CDH23: variants seen among roughly 807,000 people sequenced by gnomAD.
The protein encoded by CDH23 is cadherin related 23.
A neutral mutation model predicts 317.1 loss-of-function variants in CDH23; 189 were observed. The ratio of observed to expected loss-of-function variants is 0.60; its 90% CI spans 0.53 to 0.67. The LOEUF is 0.67. CDH23 is among the 30% of genes least tolerant of loss of function. CDH23 has a pLI of 0.00. For synonymous variants in CDH23, 1,839 were observed against 1,876.8 expected (o/e 0.98, Z 0.52); for missense variants, 4,401 against 4,592.4 (o/e 0.96, Z 1.20).
At position 71,738,606 on chromosome 10, in the gene CDH23, A is replaced by G. The variant is rs1839636678; in HGVS notation, c.4318A>G (p.Thr1440Ala). The G allele has an allele frequency of 5.0e-6, 8 of 1,613,662 alleles. No homozygotes were observed. The highest frequency in any genetic ancestry group is 6.8e-6 in the Non-Finnish European group (8 of 1,179,852). ...CTGCCCTGTGGGCCAGCGAGTGGCT[A>G]CTGTCAAGGCCTGGGACCCTGATGC... Reference protein sequence around the residue: ...EDCPVGQRVATVKAWDPDAGS... With the variant: ...EDCPVGQRVAAVKAWDPDAGS... The change falls in exon 35 of 70, where the codon ACT becomes GCT. Residue 1440 changes from threonine (T) to alanine (A), a missense_variant. By Grantham distance (58) the Thr-to-Ala change is moderately conservative. This residue lies in a region of CDH23 where 3,068 missense variants were observed against 3,203.3 expected (regional missense o/e 0.96). Coordinates refer to ENST00000224721, the MANE Select transcript of CDH23 (RefSeq NM_022124.6).
chr10:71,810,331 G>A, intron 61 of CDH23, 141 bp from the exon 62 acceptor site: 1 of 864,136 alleles, frequency 1.2e-6, no homozygotes, highest in Non-Finnish European at 1.9e-6. Flanking sequence ...CACCGTGCCT[G>A]GTCCTCAGCA....
At chr10:71,512,155 T>A (rs1422967575) in intron 6 of CDH23, 1 of 151,956 alleles carries the variant, frequency 6.6e-6, no homozygotes, top group Non-Finnish European at 1.5e-5. Flanking sequence ...TTGCCCGAGG[T>A]CGCACAGCTT....
chr10:71,664,493 C>T (rs373432427), intron 14 of CDH23, among the ~76,000 whole-genome samples: 1 of 152,302 alleles, frequency 6.6e-6, no homozygotes, highest in East Asian at 1.9e-4. Flanking sequence ...TCCACCTCCA[C>T]GGACCCGCTG....
intron 1 of CDH23, among the ~76,000 whole-genome samples, chr10:71,399,928 A>T (rs536179219): frequency 6.6e-6 from 1 of 151,478 alleles, no homozygotes; most frequent in Non-Finnish European, 1.5e-5. Context: ...TTGAGCAACT[A>T]CTCTCCACCT....
At chr10:71,737,155 G>A (rs1320914627) in intron 34 of CDH23, among the ~76,000 whole-genome samples, 1 of 152,164 alleles carries the variant, frequency 6.6e-6, no homozygotes, top group East Asian at 1.9e-4. Flanking sequence ...GCGGACTGGG[G>A]CTCAGGGACC....
chr10:71,452,666 T>C (rs946876), intron 3 of CDH23, among the ~76,000 whole-genome samples: 57,865 of 152,132 alleles, frequency 0.38, 12,050 homozygotes, highest in East Asian at 0.48. Flanking sequence ...GCTATTTGTG[T>C]GGAACTCCCC....
intron 68 of CDH23, 115 bp from the exon 69 acceptor site, chr10:71,813,129 C>A: frequency 8.7e-7 from 1 of 1,155,418 alleles, no homozygotes; most frequent in Non-Finnish European, 1.2e-6. Flanking sequence ...TGATCCTCTG[C>A]CCTAGGATCA....
At chr10:71,760,052 C>T (rs1840296154) in intron 38 of CDH23, among the ~76,000 whole-genome samples, 2 of 102,106 alleles carry the variant, frequency 2.0e-5, no homozygotes, top group South Asian at 3.5e-4. Context: ...TATACACACA[C>T]ACATATATAT....
chr10:71,659,980 T>A (rs1214200180), intron 14 of CDH23, among the ~76,000 whole-genome samples: 1 of 145,186 alleles, frequency 6.9e-6, no homozygotes, highest in East Asian at 2.1e-4. Context: ...TTTTTTTTTT[T>A]AGACGGAGCC....
rs186975210 is a variant in CDH23, at chr10:71,796,543, C to G, written c.6713-561C>G. ...GAACCCCTCAGGGCTTTTCAGCTAC[C>G]ATGACTTTCCTTTAAACTTGATCTC... On this transcript the variant is annotated intron_variant, in intron 48 of 69. Transcript: ENST00000224721. Among the ~76,000 whole-genome samples, 90 of 152,332 alleles carry G rather than the reference C, an allele frequency of 5.9e-4. No homozygotes were observed. The Middle Eastern group carries it at 0.031, about 52-fold the overall frequency.
intron 3 of CDH23, among the ~76,000 whole-genome samples, chr10:71,489,532 T>C (rs1852530156): frequency 1.3e-5 from 2 of 152,106 alleles, no homozygotes; most frequent in Admixed American, 1.3e-4. Flanking sequence ...ATATCTGAAC[T>C]ATTTGAGGGC....
Position 71,811,563 on chromosome 10 carries a change from T to C in CDH23, c.9251T>C (p.Val3084Ala). 1 of 1,613,930 alleles carries C rather than the reference T, an allele frequency of 6.2e-7. No homozygotes were observed. Among genetic ancestry groups the C allele is most frequent in the Non-Finnish European group, 8.5e-7 (1 of 1,179,882 alleles). The change falls in exon 64 of 70, where the codon GTC becomes GCC. Residue 3084 changes from valine to alanine, a missense_variant. Around this residue, in one of 3 missense-constraint regions of CDH23, gnomAD observed 1,144 missense variants for 1,138.2 expected, o/e 1.01. Coordinates refer to ENST00000224721, the MANE Select transcript of CDH23 (RefSeq NM_022124.6). Reference sequence around the variant, plus strand: ...CTGTTCCTGGCCGCCATGCTCTTTGTCCTCATGAACTGGTACTACAGGACT... The same window carrying C: ...CTGTTCCTGGCCGCCATGCTCTTTGCCCTCATGAACTGGTACTACAGGACT... The part of the protein sequence containing the change: ...ILLFLAAMLF[V>A]LMNWYYRTVH...
chr10:71,511,027 G>A (rs878880676), intron 5 of CDH23, 26 bp downstream of exon 5: 1 of 1,613,282 alleles, frequency 6.2e-7, no homozygotes. Flanking sequence ...GGCCCTGGAG[G>A]CATGTTCCTG....
chr10:71,495,843 G>GGAAA (rs981441938), intron 3 of CDH23, among the ~76,000 whole-genome samples: 10 of 147,764 alleles, frequency 6.8e-5, no homozygotes, highest in African/African-American at 2.4e-4. Flanking sequence ...AAAGAAAGAA[G>GGAAA]GAAAGAAAGA....
intron 14 of CDH23, among the ~76,000 whole-genome samples, chr10:71,656,454 G>T (rs1406588236): frequency 2.0e-5 from 3 of 152,216 alleles, no homozygotes; most frequent in Non-Finnish European, 4.4e-5. Flanking sequence ...TGCAAATCCA[G>T]CGACTATTTA....
intron 68 of CDH23, 39 bp from the exon 69 acceptor site, chr10:71,813,205 G>A: frequency 1.3e-6 from 2 of 1,533,696 alleles, no homozygotes; most frequent in Admixed American, 2.0e-5. Context: ...GGCAGGCAGG[G>A]GAGGGCCTTG....
At chr10:71,491,341 T>C (rs1564613312) in intron 3 of CDH23, among the ~76,000 whole-genome samples, 1 of 152,172 alleles carries the variant, frequency 6.6e-6, no homozygotes, top group Non-Finnish European at 1.5e-5. Context: ...TCCCTCCTCC[T>C]GCACACCCCA....
intron 38 of CDH23, among the ~76,000 whole-genome samples, chr10:71,752,746 C>T (rs918475105): frequency 2.0e-5 from 3 of 152,278 alleles, no homozygotes; most frequent in East Asian, 1.9e-4. Context: ...CACTGAGACC[C>T]GAAGGTGGGT....
At chr10:71,585,795 T>C (rs1859014954) in intron 9 of CDH23, among the ~76,000 whole-genome samples, 1 of 152,240 alleles carries the variant, frequency 6.6e-6, no homozygotes, top group African/African-American at 2.4e-5. Flanking sequence ...CCAGTCTTTA[T>C]AGCCATGCTC....
Sources: gnomAD v4.1 joint callset for allele counts (sites outside exome capture counted in the v4.1 genomes callset) on GRCh38, gnomAD v4.1.1 for gene constraint, gnomAD v4.1.1 regional missense constraint, MANE v1.5 for transcripts, NCBI Gene and HGNC (gene_info 2026-07-23, HGNC 2026-07-21) for gene names.